Variants in HIPK1 observed in about 807,000 individuals in gnomAD.
HIPK1 encodes homeodomain interacting protein kinase 1, also known as homeodomain-interacting protein kinase 1.
Under a neutral mutation model 117.1 loss-of-function variants are expected in HIPK1, and 28 were observed. The observed-to-expected ratio is 0.24, with a 90% CI of 0.18 to 0.33. The LOEUF (loss-of-function observed/expected upper bound fraction) is 0.33, where lower values mean the gene tolerates loss of function less well. Ranked by LOEUF, HIPK1 falls within the 10% of genes least tolerant of loss-of-function variation. HIPK1 has a pLI of 1.00. For synonymous variants in HIPK1, 605 were observed against 562.5 expected (o/e 1.08, Z -1.07); for missense variants, 1,122 against 1,475.1 (o/e 0.76, Z 3.92).
At chr1:113,953,036 T>C (rs1430677884) in intron 3 of HIPK1, 147 bp downstream of exon 3, 1 of 647,428 alleles carries the variant, frequency 1.5e-6, no homozygotes, top group Non-Finnish European at 2.2e-6. Flanking sequence ...TTTTAAAGAA[T>C]AGTATAATTT....
intron 2 of HIPK1, among the ~76,000 whole-genome samples, chr1:113,944,810 T>G (rs1272222145): frequency 6.6e-6 from 1 of 151,872 alleles, no homozygotes; most frequent in East Asian, 1.9e-4. Context: ...TGGTTTTGAT[T>G]TGTATTTCCC....
At chr1:113,969,046 C>T (rs1011742931) in intron 13 of HIPK1, among the ~76,000 whole-genome samples, 2 of 151,804 alleles carry the variant, frequency 1.3e-5, no homozygotes, top group African/African-American at 4.8e-5. Context: ...AAAAAAAGGG[C>T]CGAAGAAAAA....
chr1:113,957,314 A>G (rs1161367113), intron 7 of HIPK1, 28 bp downstream of exon 7: 1 of 1,577,862 alleles, frequency 6.3e-7, no homozygotes, highest in Admixed American at 1.7e-5. Flanking sequence ...TTGGAAACTC[A>G]AGCTTAAGTG....
chr1:113,938,137 T>TG (rs1670370104), intron 1 of HIPK1, among the ~76,000 whole-genome samples: 2 of 151,716 alleles, frequency 1.3e-5, no homozygotes, highest in African/African-American at 4.8e-5. Flanking sequence ...GGCTTTTTTT[T>TG]TTTTTTTTTC....
Position 113,952,889 on chromosome 1 carries a change from G to T in HIPK1, c.1200G>T (p.Gln400His). ...PLYPGASEYD[Q>H]IRYISQTQGL... The stretch of plus-strand genomic sequence containing the variant: ...ATCCTGGTGCTTCAGAATATGATCA[G>T]GTAAAAGTGTTTATTTGAATGGAAA... Residue 400 changes from glutamine to histidine, a missense_variant and splice_region_variant, in exon 3 of 16, where the codon CAG becomes CAT. By Grantham distance (24) the Gln-to-His change is conservative (BLOSUM62 0). Around this residue, in one of 6 missense-constraint regions of HIPK1, gnomAD observed 127 missense variants for 197.9 expected, o/e 0.64. Coordinates refer to ENST00000426820, the MANE Select transcript of HIPK1 (RefSeq NM_198268.3). 1 of 1,487,304 alleles carries T rather than the reference G, an allele frequency of 6.7e-7. No homozygotes were observed. The highest frequency in any genetic ancestry group is 8.9e-7 in the Non-Finnish European group (1 of 1,119,500). 92.1% of individuals were successfully genotyped at this position (1,487,304 alleles called of 1,614,324 possible). A position where few individuals can be genotyped will look rare whatever the true frequency, so the allele number is the denominator to read the frequency against.
intron 1 of HIPK1, chr1:113,932,152 A>G (rs925167539): frequency 1.3e-5 from 2 of 152,056 alleles, no homozygotes; most frequent in African/African-American, 4.8e-5. Context: ...AAAAATTTAC[A>G]TCCTGTTTTC....
At position 113,966,231 on chromosome 1, in the gene HIPK1, T is replaced by G; in HGVS notation, c.2340T>G (p.Ile780Met). ...LHNSVQPTAMIPEAMGSGQQL... is the reference protein window; with the variant it reads ...LHNSVQPTAMMPEAMGSGQQL... ...ACTCTGTCCAGCCCACAGCAATGAT[T>G]CCAGAGGCCATGGGGAGTGGACAGC... The change falls in exon 11 of 16, where the codon ATT becomes ATG. Residue 780 changes from isoleucine to methionine, a missense_variant. Ile to Met is a conservative substitution (Grantham distance 10). Transcript: ENST00000426820. 1 of 1,613,974 alleles carries G rather than the reference T, an allele frequency of 6.2e-7. No individual in the cohort carries two copies. The highest frequency in any genetic ancestry group is 8.5e-7 in the Non-Finnish European group (1 of 1,179,936).
At chr1:113,971,749 A>G in intron 14 of HIPK1, 75 bp from the exon 15 acceptor site, 1 of 1,423,778 alleles carries the variant, frequency 7.0e-7, no homozygotes, top group Non-Finnish European at 9.6e-7. Context: ...ACAGATGTGG[A>G]CTAATTAATA....
intron 11 of HIPK1, 150 bp from the exon 12 acceptor site, chr1:113,967,616 C>G (rs968276326): frequency 2.3e-6 from 1 of 442,124 alleles, no homozygotes; most frequent in Non-Finnish European, 4.0e-6. Context: ...CTTACGTATT[C>G]TGGTTATTAA....
rs576180015 is a variant in HIPK1, at chr1:113,972,097, G to A, written c.3144+143G>A. 3.0e-4 allele frequency: 485 copies of A among 1,597,976 alleles called. 1 individual carries two copies. In the African/African-American group the frequency reaches 4.6e-3, roughly 15 times the overall value. On this transcript the variant is annotated intron_variant, in intron 15 of 15. Coordinates refer to ENST00000426820, the MANE Select transcript of HIPK1 (RefSeq NM_198268.3). ...AATTTTGTGTTCTATGGCTTACGTCGTACCGCATATGCTGTGTCTCTTCAT... is the reference window on the plus strand; with the variant it reads ...AATTTTGTGTTCTATGGCTTACGTCATACCGCATATGCTGTGTCTCTTCAT...
In HIPK1 at chr1:113,973,632, T is replaced by G. The variant is rs1672995277; in HGVS notation, c.*120T>G. 7 of 1,195,282 alleles carry G rather than the reference T, an allele frequency of 5.9e-6. No individual in the cohort carries two copies. Among genetic ancestry groups the G allele is most frequent in the Non-Finnish European group, 8.0e-6 (7 of 873,256 alleles). 74.0% of individuals were successfully genotyped at this position (1,195,282 alleles called of 1,614,324 possible). On this transcript the variant is annotated 3_prime_UTR_variant, in exon 16 of 16. Transcript: ENST00000426820. Reference sequence around the variant, plus strand: ...AAATTTCTTAGCCAGCAACTTGTTCTGCAGGGGCCCACTGAAGCAGAAGGT... The same window carrying G: ...AAATTTCTTAGCCAGCAACTTGTTCGGCAGGGGCCCACTGAAGCAGAAGGT...
At position 113,962,361 on chromosome 1, in the gene HIPK1, A is replaced by C; in HGVS notation, c.2026A>C (p.Met676Leu). The C allele has an allele frequency of 6.2e-7, 1 of 1,613,906 alleles. No homozygotes were observed. Among genetic ancestry groups the C allele is most frequent in the South Asian group, 1.1e-5 (1 of 91,080 alleles). ...AAAGCATTCTGGATTCCCTGTGAGG[A>C]TGGATAATGCTGTACCGATTGTACC... is the stretch of plus-strand genomic sequence containing the variant. Reference protein sequence around the residue: ...TTKHSGFPVRMDNAVPIVPQA... With the variant: ...TTKHSGFPVRLDNAVPIVPQA... Residue 676 changes from methionine (M) to leucine (L), a missense_variant, in exon 9 of 16, where the codon ATG (methionine) becomes CTG (leucine). By Grantham distance (15) the Met-to-Leu change is conservative. Transcript: ENST00000426820.
intron 2 of HIPK1, among the ~76,000 whole-genome samples, chr1:113,950,717 G>C (rs1671300783): frequency 6.6e-6 from 1 of 152,174 alleles, no homozygotes; most frequent in Admixed American, 6.5e-5. Context: ...TGACCAGGCT[G>C]TTCTCGAACT....
rs911139533 is a variant in HIPK1, at chr1:113,945,092, G to A, written c.1076+3633G>A. 3.3e-5 allele frequency among the ~76,000 whole-genome samples: 5 copies of A among 151,642 alleles called. No individual in the cohort carries two copies. The East Asian group carries it at 7.9e-4, about 24-fold the overall frequency. On this transcript the variant is annotated intron_variant, in intron 2 of 15. Transcript: ENST00000426820. ...TCAAACTCATAGGCTCAAGTGATAT[G>A]CCCGCCTCGGCAACCCAAAGTGCTG...
chr1:113,970,285 T>TCTCTACCACTG, intron 14 of HIPK1, 88 bp downstream of exon 14: 1 of 1,364,372 alleles, frequency 7.3e-7, no homozygotes, highest in Non-Finnish European at 1.0e-6. Flanking sequence ...ATATCAGTGG[T>TCTCTACCACTG]AGAGACCAGT....
Position 113,929,458 on chromosome 1 carries a change from A to T in HIPK1, c.-77A>T. On this transcript the variant is annotated 5_prime_UTR_variant, in exon 1 of 16. Coordinates refer to ENST00000426820, the MANE Select transcript of HIPK1 (RefSeq NM_198268.3). ...CTCCCTACGGAGGCCCACCTACTCG[A>T]GGCCCACCGACTCCTACTGCAATCA... The T allele has an allele frequency of 7.8e-7, 1 of 1,289,342 alleles. No homozygotes were observed. Among genetic ancestry groups the T allele is most frequent in the Non-Finnish European group, 1.0e-6 (1 of 988,858 alleles). 79.9% of individuals were successfully genotyped at this position (1,289,342 alleles called of 1,614,324 possible). A position where few individuals can be genotyped will look rare whatever the true frequency, so the allele number is the denominator to read the frequency against.
intron 10 of HIPK1, among the ~76,000 whole-genome samples, chr1:113,964,738 C>A (rs1160973464): frequency 1.3e-5 from 2 of 152,310 alleles, no homozygotes; most frequent in East Asian, 3.9e-4. Flanking sequence ...AGATATATTT[C>A]CAACTTGATT....
chr1:113,970,065 C>T lies in HIPK1; in HGVS notation c.2881C>T (p.Leu961Phe). Residue 961 changes from leucine to phenylalanine, a missense_variant, in exon 14 of 16, where the codon CTC (leucine) becomes TTC (phenylalanine). Coordinates refer to ENST00000426820, the MANE Select transcript of HIPK1 (RefSeq NM_198268.3). ...SPYSTDTLSA[L>F]RGNSGSVLEG... is the part of the protein sequence containing the mutation. ...TTATTCCACTGATACCCTGAGTGCT[C>T]TCCGAGGCAATAGTGGATCCGTTTT... 6.2e-7 allele frequency: 1 copy of T among 1,614,198 alleles called. No homozygotes were observed. The highest frequency in any genetic ancestry group is 2.2e-5 in the East Asian group (1 of 44,884).
At chr1:113,953,488 G>A (rs1463913127) in intron 3 of HIPK1, among the ~76,000 whole-genome samples, 1 of 152,132 alleles carries the variant, frequency 6.6e-6, no homozygotes, top group Non-Finnish European at 1.5e-5. Context: ...GAAGTAAATT[G>A]TGAATTCTCA....
Sources: allele counts gnomAD v4.1 joint callset (sites outside exome capture counted in the v4.1 genomes callset), GRCh38; gene constraint gnomAD v4.1.1; regional missense constraint gnomAD v4.1.1; transcripts MANE v1.5; gene names NCBI Gene and HGNC (gene_info 2026-07-23, HGNC 2026-07-21).